DNAJC12: variants seen among roughly 807,000 people sequenced by gnomAD.
The protein encoded by DNAJC12 is dnaJ homolog subfamily C member 12.
A neutral mutation model predicts 28.5 loss-of-function variants in DNAJC12; 25 were observed. The ratio of observed to expected loss-of-function variants is 0.88; its 90% CI spans 0.64 to 1.22. The LOEUF is 1.22. Among genes scored for constraint, DNAJC12 ranks in the 50% most tolerant of loss-of-function variants. The pLI is 0.00. For missense variants in DNAJC12, 222 were observed against 231.7 expected (o/e 0.96, Z 0.27); for synonymous variants, 77 against 80.6 (o/e 0.95, Z 0.24).
At chr10:67,821,431 G>A (rs1227080456) in intron 2 of DNAJC12, among the ~76,000 whole-genome samples, 8 of 152,172 alleles carry the variant, frequency 5.3e-5, no homozygotes, top group Admixed American at 2.0e-4. Flanking sequence ...CAGGAGAATC[G>A]CTTGAACCCA....
In DNAJC12 at chr10:67,823,073, TAGA is replaced by T. The variant is rs568210517; in HGVS notation, c.157+238_157+240del. Among the ~76,000 whole-genome samples the T allele has an allele frequency of 2.7e-4, 41 of 151,414 alleles. No individual in the cohort carries two copies. In the South Asian group the frequency reaches 8.1e-3, roughly 30 times the overall value. ...ATAGCTGGTGAAATAAAGCATGAAC[TAGA>T]AGAATTTTAAACCACAAAGCAACAC... On this transcript the variant is annotated intron_variant, in intron 2 of 4. Coordinates refer to ENST00000225171, the MANE Select transcript of DNAJC12 (RefSeq NM_021800.3).
intron 2 of DNAJC12, among the ~76,000 whole-genome samples, chr10:67,812,433 C>G (rs1841870078): frequency 6.6e-6 from 1 of 152,168 alleles, no homozygotes; most frequent in Non-Finnish European, 1.5e-5. Flanking sequence ...TAGCTTGTCA[C>G]TAATCTACTT....
intron 2 of DNAJC12, among the ~76,000 whole-genome samples, chr10:67,822,155 G>A (rs923529350): frequency 1.3e-5 from 2 of 152,176 alleles, no homozygotes; most frequent in African/African-American, 4.8e-5. Flanking sequence ...AGGAGAAAAT[G>A]GGGAGTGGGC....
intron 1 of DNAJC12, among the ~76,000 whole-genome samples, chr10:67,835,897 A>G (rs964882283): frequency 6.6e-6 from 1 of 152,226 alleles, no homozygotes; most frequent in African/African-American, 2.4e-5. Flanking sequence ...CCTGGTAACC[A>G]TATTTTGAAT....
intron 1 of DNAJC12, among the ~76,000 whole-genome samples, chr10:67,835,665 G>A (rs190087590): frequency 9.3e-5 from 14 of 150,342 alleles, no homozygotes; most frequent in East Asian, 3.9e-4. Context: ...ACTCCAGCCC[G>A]GCAACAGAGT....
intron 1 of DNAJC12, among the ~76,000 whole-genome samples, chr10:67,830,821 G>A (rs555176723): frequency 6.6e-6 from 1 of 152,170 alleles, no homozygotes; most frequent in South Asian, 2.1e-4. Context: ...AGGTCACACA[G>A]CTAATAAGTA....
At chr10:67,816,319 T>C (rs1841915576) in intron 2 of DNAJC12, among the ~76,000 whole-genome samples, 1 of 152,112 alleles carries the variant, frequency 6.6e-6, no homozygotes, top group Non-Finnish European at 1.5e-5. Context: ...CAGGGAAAGA[T>C]AAAAGCAAAC....
At chr10:67,822,024 A>G (rs1275813722) in intron 2 of DNAJC12, among the ~76,000 whole-genome samples, 1 of 152,202 alleles carries the variant, frequency 6.6e-6, no homozygotes, top group Non-Finnish European at 1.5e-5. Context: ...TTCCAAATGG[A>G]AATTTCCCAG....
At chr10:67,812,907 A>G (rs557401197) in intron 2 of DNAJC12, among the ~76,000 whole-genome samples, 1 of 151,714 alleles carries the variant, frequency 6.6e-6, no homozygotes, top group South Asian at 2.1e-4. Flanking sequence ...CTGTAATCCC[A>G]GCTACTCAGG....
At chr10:67,826,639 AAG>A (rs2131810819) in intron 1 of DNAJC12, among the ~76,000 whole-genome samples, 1 of 133,092 alleles carries the variant, frequency 7.5e-6, no homozygotes, top group African/African-American at 2.8e-5. Context: ...CATTATATAT[AAG>A]ATATCTAATG....
intron 1 of DNAJC12, among the ~76,000 whole-genome samples, chr10:67,832,633 A>C (rs1023010322): frequency 6.6e-6 from 1 of 152,192 alleles, no homozygotes; most frequent in Non-Finnish European, 1.5e-5. Context: ...AATACTAATA[A>C]ATGTAAAATT....
At chr10:67,836,974 G>C (rs1488822558) in intron 1 of DNAJC12, among the ~76,000 whole-genome samples, 1 of 149,478 alleles carries the variant, frequency 6.7e-6, no homozygotes, top group Non-Finnish European at 1.5e-5. Flanking sequence ...ATTTAATAAT[G>C]AATATATTTT....
At chr10:67,801,662 T>C (rs978307513) in intron 4 of DNAJC12, among the ~76,000 whole-genome samples, 12 of 151,296 alleles carry the variant, frequency 7.9e-5, no homozygotes, top group African/African-American at 2.9e-4. Flanking sequence ...TGGTGGCGGG[T>C]GCCTGTAATC....
At chr10:67,831,038 A>T (rs1008174944) in intron 1 of DNAJC12, among the ~76,000 whole-genome samples, 1 of 152,186 alleles carries the variant, frequency 6.6e-6, no homozygotes, top group African/African-American at 2.4e-5. Context: ...GATACAAAAA[A>T]TTAGCCGGGT....
At chr10:67,831,219 C>A (rs1455949317) in intron 1 of DNAJC12, among the ~76,000 whole-genome samples, 1 of 152,154 alleles carries the variant, frequency 6.6e-6, no homozygotes, top group African/African-American at 2.4e-5. Context: ...TACATATACA[C>A]ATATGCATTT....
intron 4 of DNAJC12, among the ~76,000 whole-genome samples, chr10:67,799,804 A>G (rs1483176058): frequency 1.3e-5 from 2 of 149,936 alleles, no homozygotes; most frequent in African/African-American, 4.9e-5. Context: ...AATCACTTGA[A>G]CCCAGGAGGC....
At chr10:67,811,764 A>C in intron 2 of DNAJC12, 101 bp from the exon 3 acceptor site, 1 of 1,505,642 alleles carries the variant, frequency 6.6e-7, no homozygotes, top group South Asian at 1.3e-5. Context: ...CTGCCACTTA[A>C]TAGCTATGTG....
At chr10:67,805,380 G>T (rs970009667) in intron 4 of DNAJC12, among the ~76,000 whole-genome samples, 1 of 152,192 alleles carries the variant, frequency 6.6e-6, no homozygotes, top group African/African-American at 2.4e-5. Context: ...TAAAGCCAAA[G>T]ACACTGAGAA....
chr10:67,828,881 G>T (rs1842063595), intron 1 of DNAJC12, among the ~76,000 whole-genome samples: 2 of 151,980 alleles, frequency 1.3e-5, no homozygotes, highest in African/African-American at 4.8e-5. Context: ...GACAGACATC[G>T]CCACTTTAAA....
Sources: allele counts gnomAD v4.1 joint callset (sites outside exome capture counted in the v4.1 genomes callset), GRCh38; gene constraint gnomAD v4.1.1; transcripts MANE v1.5; gene names NCBI Gene and HGNC (gene_info 2026-07-23, HGNC 2026-07-21).